The following CFDP1 variants were observed in gnomAD, a reference collection of about 807,000 sequenced individuals.
The protein encoded by CFDP1 is chromatin remodeling protein CFDP1.
A neutral mutation model predicts 40.1 loss-of-function variants in CFDP1; 31 were observed. The ratio of observed to expected loss-of-function variants is 0.77; its 90% CI spans 0.58 to 1.04. CFDP1 has a LOEUF of 1.04. CFDP1 is among the 50% of genes least tolerant of loss of function. The pLI, the probability that CFDP1 is intolerant of heterozygous loss-of-function variation, is 0.00. For missense variants in CFDP1, 423 were observed against 343.4 expected (o/e 1.23, Z -1.83); for synonymous variants, 167 against 120.0 (o/e 1.39, Z -2.56).
chr16:75,363,155 C>T (rs2078691152), intron 5 of CFDP1: 1 of 151,600 alleles, frequency 6.6e-6, no homozygotes, highest in Non-Finnish European at 1.5e-5. Flanking sequence ...ACAAATCCAA[C>T]ATGGTCTTTA....
chr16:75,312,725 C>A (rs1226292587), intron 5 of CFDP1, among the ~76,000 whole-genome samples: 1 of 152,178 alleles, frequency 6.6e-6, no homozygotes, highest in African/African-American at 2.4e-5. Context: ...CTGTTCTGGC[C>A]TCTCAGCTGA....
At chr16:75,341,631 A>G (rs1334503208) in intron 5 of CFDP1, among the ~76,000 whole-genome samples, 2 of 151,924 alleles carry the variant, frequency 1.3e-5, no homozygotes, top group Non-Finnish European at 2.9e-5. Context: ...CTTCTTTGAC[A>G]GCAGAAGGTT....
chr16:75,396,885 T>C (rs2078998482), intron 4 of CFDP1, among the ~76,000 whole-genome samples: 1 of 152,102 alleles, frequency 6.6e-6, no homozygotes, highest in South Asian at 2.1e-4. Context: ...TTTGTAGTCC[T>C]CTGAGAAGTT....
In CFDP1 at chr16:75,365,386, T is replaced by C. The variant is rs117769703; in HGVS notation, c.650+29704A>G. On this transcript the variant is annotated intron_variant, in intron 5 of 6. Coordinates refer to ENST00000283882, the MANE Select transcript of CFDP1 (RefSeq NM_006324.3). ...GAGAGCAACCAAAGCCAGGCAGAAATTGGAGTGGATTCAACCTTTGAGAGA... is the reference window on the plus strand; with the variant it reads ...GAGAGCAACCAAAGCCAGGCAGAAACTGGAGTGGATTCAACCTTTGAGAGA... 3.8e-3 allele frequency among the ~76,000 whole-genome samples: 582 copies of C among 152,136 alleles called. 2 individuals carry two copies. Among genetic ancestry groups the C allele is most frequent in the Non-Finnish European group, 6.9e-3 (472 of 67,994 alleles).
rs947677288 is a variant in CFDP1 at position 75,369,802 on chromosome 16, G to C, written c.650+25288C>G. Among the ~76,000 whole-genome samples the C allele has an allele frequency of 2.0e-5, 3 of 152,114 alleles. No homozygotes were observed. The East Asian group carries it at 5.8e-4, about 29-fold the overall frequency. Reference sequence around the variant, plus strand: ...GAGTCTCACTGTGTCACCCAGGCTGGAGTGCAGTGAAGCGATCTTGGCTCA... The same window carrying C: ...GAGTCTCACTGTGTCACCCAGGCTGCAGTGCAGTGAAGCGATCTTGGCTCA... On this transcript the variant is annotated intron_variant, in intron 5 of 6. Coordinates refer to ENST00000283882, the MANE Select transcript of CFDP1 (RefSeq NM_006324.3).
chr16:75,345,196 C>T (rs1266374738), intron 5 of CFDP1, among the ~76,000 whole-genome samples: 2 of 151,990 alleles, frequency 1.3e-5, no homozygotes, highest in East Asian at 1.9e-4. Flanking sequence ...GTGGCTCACA[C>T]CTATAATCCC....
At chr16:75,304,406 G>A (rs952250499) in intron 6 of CFDP1, among the ~76,000 whole-genome samples, 4 of 152,106 alleles carry the variant, frequency 2.6e-5, no homozygotes, top group Non-Finnish European at 4.4e-5. Flanking sequence ...TCACCAGTAA[G>A]ACAAATATGA....
At chr16:75,337,707 T>C (rs1597340220) in intron 5 of CFDP1, among the ~76,000 whole-genome samples, 1 of 151,950 alleles carries the variant, frequency 6.6e-6, no homozygotes, top group African/African-American at 2.4e-5. Flanking sequence ...CCACACACTT[T>C]TAAACAACCA....
Position 75,293,812 on chromosome 16 carries a change from C to T in CFDP1, c.*140G>A, listed in dbSNP as rs1340365526. On this transcript the variant is annotated 3_prime_UTR_variant, in exon 7 of 7. Transcript: ENST00000283882. ...AATGAAACCATTTGTGATTAAGATA[C>T]ATAGACAGAACTTCAATGTAGAAAA... is the stretch of plus-strand genomic sequence containing the variant. The T allele has an allele frequency of 1.6e-6, 1 of 634,688 alleles. No homozygotes were observed. The highest frequency in any genetic ancestry group is 2.7e-6 in the Non-Finnish European group (1 of 369,020). 39.3% of individuals were successfully genotyped at this position (634,688 alleles called of 1,614,324 possible). A position where few individuals can be genotyped will look rare whatever the true frequency, so the allele number is the denominator to read the frequency against.
At chr16:75,351,185 A>G (rs1222743115) in intron 5 of CFDP1, among the ~76,000 whole-genome samples, 2 of 152,242 alleles carry the variant, frequency 1.3e-5, no homozygotes, top group African/African-American at 4.8e-5. Context: ...TGAGAGTTCT[A>G]AACTTGATTT....
chr16:75,309,383 A>G (rs2078278584), intron 5 of CFDP1, among the ~76,000 whole-genome samples: 1 of 151,962 alleles, frequency 6.6e-6, no homozygotes, highest in Non-Finnish European at 1.5e-5. Context: ...AGAACACAGA[A>G]AAGCCTACTT....
intron 5 of CFDP1, among the ~76,000 whole-genome samples, chr16:75,348,955 C>T (rs2078589304): frequency 6.6e-6 from 1 of 152,184 alleles, no homozygotes; most frequent in Non-Finnish European, 1.5e-5. Flanking sequence ...CAGCCTCAAA[C>T]TCCTGGGCTG....
At chr16:75,295,037 T>C (rs1169756029) in intron 6 of CFDP1, among the ~76,000 whole-genome samples, 4 of 152,222 alleles carry the variant, frequency 2.6e-5, no homozygotes, top group African/African-American at 4.8e-5. Flanking sequence ...AAAATTGCCA[T>C]GGAAAATGGG....
At chr16:75,309,282 C>G (rs1246322162) in intron 5 of CFDP1, among the ~76,000 whole-genome samples, 4 of 152,192 alleles carry the variant, frequency 2.6e-5, no homozygotes, top group African/African-American at 9.6e-5. Context: ...GCCGCTTTCT[C>G]TGCCACAAAG....
intron 4 of CFDP1, among the ~76,000 whole-genome samples, chr16:75,401,450 A>T (rs1261604272): frequency 6.9e-6 from 1 of 145,964 alleles, no homozygotes; most frequent in Non-Finnish European, 1.5e-5. Flanking sequence ...AAAAAAAAAA[A>T]TTAGCTGGGC....
At chr16:75,362,401 C>T (rs1046718931) in intron 5 of CFDP1, among the ~76,000 whole-genome samples, 3 of 152,198 alleles carry the variant, frequency 2.0e-5, no homozygotes, top group Admixed American at 1.3e-4. Flanking sequence ...GAGTCAACCT[C>T]CCGTCTTCCA....
intron 5 of CFDP1, among the ~76,000 whole-genome samples, chr16:75,394,298 T>G (rs4888405): frequency 0.52 from 79,004 of 152,018 alleles, 21,577 homozygotes; most frequent in Admixed American, 0.64. Context: ...TTCTCACATT[T>G]AGGTTAAGAA....
intron 1 of CFDP1, among the ~76,000 whole-genome samples, chr16:75,429,962 T>A (rs1186687363): frequency 6.6e-6 from 1 of 152,152 alleles, no homozygotes; most frequent in Non-Finnish European, 1.5e-5. Flanking sequence ...CTTGGTTTTA[T>A]ATATTTTAGG....
At chr16:75,349,547 G>C (rs1263922638) in intron 5 of CFDP1, among the ~76,000 whole-genome samples, 1 of 144,744 alleles carries the variant, frequency 6.9e-6, no homozygotes, top group African/African-American at 2.6e-5. Flanking sequence ...CTAGCACTTT[G>C]GGAGGCTAAG....
Sources: gnomAD v4.1 joint callset for allele counts (sites outside exome capture counted in the v4.1 genomes callset) on GRCh38, gnomAD v4.1.1 for gene constraint, MANE v1.5 for transcripts, NCBI Gene and HGNC (gene_info 2026-07-23, HGNC 2026-07-21) for gene names.